The following NSUN6 variants were observed in gnomAD, a reference collection of about 807,000 sequenced individuals.
NSUN6 encodes NOP2/Sun RNA methyltransferase 6, also known as tRNA (cytosine(72)-C(5))-methyltransferase NSUN6.
A neutral mutation model predicts 58.0 loss-of-function variants in NSUN6; 64 were observed. The ratio of observed to expected loss-of-function variants is 1.10; its 90% CI spans 0.90 to 1.36. The LOEUF (loss-of-function observed/expected upper bound fraction) is 1.36. Ranked by LOEUF, NSUN6 falls within the 40% of genes most tolerant of loss-of-function variation. NSUN6 has a pLI of 0.00. For synonymous variants in NSUN6, 231 were observed against 193.9 expected (o/e 1.19, Z -1.59); for missense variants, 701 against 550.1 (o/e 1.27, Z -2.74).
chr10:18,586,086 A>G lies in NSUN6; in HGVS notation c.785T>C (p.Val262Ala). Residue 262 changes from valine to alanine, a missense_variant, in exon 8 of 11, where the codon GTT (valine) becomes GCT (alanine). Coordinates refer to ENST00000377304, the MANE Select transcript of NSUN6 (RefSeq NM_182543.5). ...GTTGAAGATTTTATCCAGTGCTATAACTTCTCCCTAAAAAGAAACAAAACA... is the reference window on the plus strand; with the variant it reads ...GTTGAAGATTTTATCCAGTGCTATAGCTTCTCCCTAAAAAGAAACAAAACA... Reference protein sequence around the residue: ...IAALMHDQGEVIALDKIFNKV... With the variant: ...IAALMHDQGEAIALDKIFNKV... 1.3e-6 allele frequency: 2 copies of G among 1,573,238 alleles called. No individual in the cohort carries two copies. The highest frequency in any genetic ancestry group is 2.8e-5 in the African/African-American group (2 of 72,438).
intron 1 of NSUN6, among the ~76,000 whole-genome samples, chr10:18,649,903 A>C (rs554610203): frequency 6.6e-6 from 1 of 152,326 alleles, no homozygotes; most frequent in South Asian, 2.1e-4. Context: ...CATACAGTCT[A>C]GTACCTCAAG....
At chr10:18,655,147 C>G, upstream of NSUN6, 1 of 983,574 alleles carries the variant, frequency 1.0e-6, no homozygotes, top group Non-Finnish European at 1.2e-6. Context: ...AAATCCCTCG[C>G]TGCTTTATCT....
chr10:18,647,634 A>C (rs1211489992), intron 2 of NSUN6, among the ~76,000 whole-genome samples: 4 of 152,106 alleles, frequency 2.6e-5, no homozygotes, highest in African/African-American at 7.2e-5. Flanking sequence ...GGTTGGGTAA[A>C]AAAAGTCTCA....
chr10:18,600,903 G>A (rs2057777619), intron 6 of NSUN6, among the ~76,000 whole-genome samples: 1 of 96,236 alleles, frequency 1.0e-5, no homozygotes, highest in African/African-American at 3.7e-5. Flanking sequence ...ACTCCAGCCT[G>A]AGTGAAAGAG....
chr10:18,587,663 C>T (rs1031565419), intron 7 of NSUN6, among the ~76,000 whole-genome samples: 1 of 152,122 alleles, frequency 6.6e-6, no homozygotes, highest in Non-Finnish European at 1.5e-5. Flanking sequence ...GATGGGGCGT[C>T]ACTCACCCAG....
At chr10:18,633,660 A>G (rs375848191) in intron 3 of NSUN6, among the ~76,000 whole-genome samples, 73 of 152,268 alleles carry the variant, frequency 4.8e-4, no homozygotes, top group African/African-American at 1.5e-3. Flanking sequence ...GAATCTAGGA[A>G]TATCTTGTCA....
chr10:18,630,089 G>C (rs990353017), intron 3 of NSUN6, among the ~76,000 whole-genome samples: 4 of 142,220 alleles, frequency 2.8e-5, no homozygotes, highest in Non-Finnish European at 6.1e-5. Flanking sequence ...TAGAACTCAG[G>C]ATTAAGAACC....
At chr10:18,653,351 C>T (rs1019113329), upstream of NSUN6, 7 of 980,062 alleles carry the variant, frequency 7.1e-6, no homozygotes, top group South Asian at 9.4e-5. Context: ...GTGCCACACA[C>T]GGACAGAATT....
At chr10:18,587,964 G>A (rs997943337) in intron 7 of NSUN6, among the ~76,000 whole-genome samples, 7 of 152,142 alleles carry the variant, frequency 4.6e-5, no homozygotes, top group African/African-American at 1.2e-4. Flanking sequence ...ATGCCAGGGA[G>A]CCAAGTGGTC....
At chr10:18,594,895 A>G (rs2057524907) in intron 7 of NSUN6, among the ~76,000 whole-genome samples, 1 of 152,194 alleles carries the variant, frequency 6.6e-6, no homozygotes, top group Admixed American at 6.6e-5. Flanking sequence ...GTGACAGTAG[A>G]TGTCATGTAA....
At chr10:18,644,619 G>A (rs1320524877) in intron 2 of NSUN6, among the ~76,000 whole-genome samples, 58 of 150,482 alleles carry the variant, frequency 3.9e-4, no homozygotes, top group African/African-American at 1.4e-3. Flanking sequence ...GGTGGATCAC[G>A]AGGTCAGGAG....
chr10:18,574,587 G>C (rs2056557345), intron 8 of NSUN6, among the ~76,000 whole-genome samples: 1 of 152,084 alleles, frequency 6.6e-6, no homozygotes, highest in African/African-American at 2.4e-5. Flanking sequence ...GTGATTGATA[G>C]AGAAACTCTT....
chr10:18,646,132 T>G (rs947941821), intron 2 of NSUN6, among the ~76,000 whole-genome samples: 1 of 151,988 alleles, frequency 6.6e-6, no homozygotes, highest in African/African-American at 2.4e-5. Flanking sequence ...GAGGCAGAGG[T>G]TGCAGTGAGC....
At position 18,563,413 on chromosome 10, in the gene NSUN6, C is replaced by T. The variant is rs1178308989; in HGVS notation, c.923-11442G>A. ...GTATGGAACTGAGAATGGTATGGAA[C>T]GGAATGGAGAATGGCAGGAATGGAA... On this transcript the variant is annotated intron_variant, in intron 8 of 10. Transcript: ENST00000377304. Among the ~76,000 whole-genome samples, 5 of 138,488 alleles carry T rather than the reference C, an allele frequency of 3.6e-5. No individual in the cohort carries two copies. The East Asian group carries it at 6.7e-4, about 19-fold the overall frequency. 90.9% of individuals were successfully genotyped at this position (138,488 alleles called of 152,430 possible).
chr10:18,596,323 A>G lies in NSUN6; in HGVS notation c.662T>C (p.Leu221Ser). 6.4e-7 allele frequency: 1 copy of G among 1,567,818 alleles called. No individual in the cohort carries two copies. Among genetic ancestry groups the G allele is most frequent in the South Asian group, 1.1e-5 (1 of 89,700 alleles). Residue 221 changes from leucine to serine, a missense_variant, in exon 7 of 11, where the codon TTG becomes TCG. By Grantham distance (145) the Leu-to-Ser change is moderately radical. Transcript: ENST00000377304. ...TACATGACTTACTAAGGCAGATGGC[A>G]AATTCTATAAGGAAAAAAATGTAAT... ...VLPRYLFLQN[L>S]PSALVSHVLN...
chr10:18,655,420 G>A (rs1471186189), upstream of NSUN6, among the ~76,000 whole-genome samples: 7 of 152,288 alleles, frequency 4.6e-5, no homozygotes, highest in South Asian at 8.3e-4. Flanking sequence ...AACAAATTAG[G>A]TAGAGTGCTT....
Position 18,546,153 on chromosome 10 carries a change from G to A in NSUN6, c.1198-8C>T. ...TCCTCCAATCTGCGGTTCCTGTTTG[G>A]AGAAAGTGGATCAATATGGATGAAC... On this transcript the variant is annotated splice_region_variant and splice_polypyrimidine_tract_variant and intron_variant, in intron 10 of 10. Coordinates refer to ENST00000377304, the MANE Select transcript of NSUN6 (RefSeq NM_182543.5). 1 of 1,585,960 alleles carries A rather than the reference G, an allele frequency of 6.3e-7. No homozygotes were observed. Among genetic ancestry groups the A allele is most frequent in the Non-Finnish European group, 8.7e-7 (1 of 1,154,310 alleles).
chr10:18,568,341 T>C (rs550057385), intron 8 of NSUN6, among the ~76,000 whole-genome samples: 13 of 151,174 alleles, frequency 8.6e-5, no homozygotes, highest in Non-Finnish European at 1.9e-4. Context: ...ATCCATTCTA[T>C]TTCATTCTGC....
chr10:18,571,377 C>CTCCAT (rs1477391031), intron 8 of NSUN6, among the ~76,000 whole-genome samples: 1 of 150,740 alleles, frequency 6.6e-6, no homozygotes, highest in African/African-American at 2.4e-5. Flanking sequence ...CCAGTTCAAT[C>CTCCAT]TCCATTCCAT....
Sources: allele counts gnomAD v4.1 joint callset (sites outside exome capture counted in the v4.1 genomes callset), GRCh38; gene constraint gnomAD v4.1.1; transcripts MANE v1.5; gene names NCBI Gene and HGNC (gene_info 2026-07-23, HGNC 2026-07-21).